The following SPON1 variants were observed in gnomAD, a reference collection of about 807,000 sequenced individuals.
SPON1 encodes the protein spondin-1.
In SPON1, 52 loss-of-function variants were observed where a neutral mutation model predicts 111.7. The observed-to-expected ratio is 0.47, with a 90% confidence interval of 0.37 to 0.59. SPON1 has a LOEUF of 0.59. Among genes scored for constraint, SPON1 ranks in the 20% least tolerant of loss-of-function variants. The pLI, the probability that SPON1 is intolerant of heterozygous loss-of-function variation, is 0.00. For missense variants in SPON1, 957 were observed against 1,068.5 expected (o/e 0.90, Z 1.46); for synonymous variants, 410 against 395.8 (o/e 1.04, Z -0.43).
intron 6 of SPON1, among the ~76,000 whole-genome samples, chr11:14,186,463 T>C (rs1160668225): frequency 6.6e-6 from 1 of 152,168 alleles, no homozygotes; most frequent in Non-Finnish European, 1.5e-5. Context: ...ATGCTAGGGA[T>C]TGGAGTGTTC....
intron 6 of SPON1, among the ~76,000 whole-genome samples, chr11:14,198,143 G>A (rs190323396): frequency 7.4e-4 from 112 of 152,232 alleles, no homozygotes; most frequent in Non-Finnish European, 1.3e-3. Flanking sequence ...CTCTCAAATC[G>A]GTGCCTAATG....
chr11:14,004,833 G>T (rs962661183), intron 2 of SPON1, among the ~76,000 whole-genome samples: 26 of 151,904 alleles, frequency 1.7e-4, no homozygotes, highest in Admixed American at 4.6e-4. Flanking sequence ...GTGAGACAGG[G>T]TCTCACTCTG....
intron 6 of SPON1, among the ~76,000 whole-genome samples, chr11:14,175,471 G>T (rs965504875): frequency 6.6e-6 from 1 of 152,076 alleles, no homozygotes; most frequent in Non-Finnish European, 1.5e-5. Context: ...GGTTATAGGG[G>T]TCCTAAACCC....
chr11:14,000,552 G>T (rs1848309229), intron 2 of SPON1, among the ~76,000 whole-genome samples: 1 of 152,124 alleles, frequency 6.6e-6, no homozygotes, highest in African/African-American at 2.4e-5. Flanking sequence ...AATTTATTGG[G>T]TGTGCTTTTT....
At chr11:14,113,327 A>G (rs112833439) in intron 5 of SPON1, among the ~76,000 whole-genome samples, 7 of 152,218 alleles carry the variant, frequency 4.6e-5, no homozygotes, top group African/African-American at 1.4e-4. Flanking sequence ...AATGGGCTGC[A>G]AGTTTCAGAA....
intron 6 of SPON1, among the ~76,000 whole-genome samples, chr11:14,191,506 A>T (rs553885944): frequency 6.6e-6 from 1 of 152,290 alleles, no homozygotes; most frequent in East Asian, 1.9e-4. Context: ...AACGTTCAGG[A>T]CCCGCACACT....
chr11:14,190,987 AGC>A (rs1564927639), intron 6 of SPON1, among the ~76,000 whole-genome samples: 32 of 152,206 alleles, frequency 2.1e-4, no homozygotes, highest in African/African-American at 7.5e-4. Flanking sequence ...AAAAGAAAAA[AGC>A]ACTTACAATC....
At chr11:14,255,953 T>G (rs924076757) in intron 9 of SPON1, among the ~76,000 whole-genome samples, 166 bp downstream of exon 9, 1 of 152,154 alleles carries the variant, frequency 6.6e-6, no homozygotes, top group African/African-American at 2.4e-5. Context: ...TTTCATAAGA[T>G]GAAAATAAGC....
At chr11:14,180,698 C>CT (rs1330702037) in intron 6 of SPON1, among the ~76,000 whole-genome samples, 1 of 152,188 alleles carries the variant, frequency 6.6e-6, no homozygotes, top group Non-Finnish European at 1.5e-5. Flanking sequence ...ACTATGCCTT[C>CT]TTTAAGTCAG....
At chr11:14,065,667 T>A (rs1848827053) in intron 3 of SPON1, among the ~76,000 whole-genome samples, 1 of 152,224 alleles carries the variant, frequency 6.6e-6, no homozygotes, top group Admixed American at 6.5e-5. Flanking sequence ...GGAATGACAT[T>A]CATGCCCTTC....
chr11:14,008,096 A>C (rs1848376921), intron 2 of SPON1, among the ~76,000 whole-genome samples: 1 of 152,198 alleles, frequency 6.6e-6, no homozygotes, highest in Admixed American at 6.5e-5. Context: ...TTCTGCATCC[A>C]CTGATTCAGC....
At chr11:14,073,421 T>C (rs1014977704) in intron 3 of SPON1, among the ~76,000 whole-genome samples, 7 of 152,206 alleles carry the variant, frequency 4.6e-5, no homozygotes, top group Non-Finnish European at 8.8e-5. Context: ...AGATTTTAGA[T>C]TTTCAGATTA....
intron 1 of SPON1, among the ~76,000 whole-genome samples, chr11:13,968,378 G>A (rs1033641660): frequency 6.6e-5 from 10 of 152,182 alleles, no homozygotes; most frequent in African/African-American, 2.2e-4. Flanking sequence ...GTAGTTGGTG[G>A]CTACTTAGCC....
intron 6 of SPON1, among the ~76,000 whole-genome samples, chr11:14,171,218 C>G (rs1403263357): frequency 2.2e-4 from 34 of 152,120 alleles, no homozygotes; most frequent in Non-Finnish European, 4.7e-4. Context: ...CTGGTTTAGT[C>G]TTGGGAGAGT....
At chr11:14,037,699 AAGCATTATCCATG>A in intron 2 of SPON1, among the ~76,000 whole-genome samples, 1 of 152,324 alleles carries the variant, frequency 6.6e-6, no homozygotes, top group South Asian at 2.1e-4. Flanking sequence ...ACAACACCAA[AAGCATTATCCATG>A]AAAGAAATAA....
At chr11:14,143,475 T>G (rs1322218983) in intron 6 of SPON1, among the ~76,000 whole-genome samples, 2 of 150,890 alleles carry the variant, frequency 1.3e-5, no homozygotes, top group Non-Finnish European at 2.9e-5. Context: ...GGTGGAAGGA[T>G]CACTTGGCCC....
intron 2 of SPON1, among the ~76,000 whole-genome samples, chr11:13,987,416 C>A (rs1591341269): frequency 1.3e-5 from 2 of 150,318 alleles, no homozygotes; most frequent in Non-Finnish European, 3.0e-5. Context: ...TGTTTTTTTC[C>A]TGTAAACTTA....
intron 5 of SPON1, among the ~76,000 whole-genome samples, chr11:14,115,733 A>G (rs1483168535): frequency 1.3e-5 from 2 of 152,116 alleles, no homozygotes; most frequent in African/African-American, 4.8e-5. Context: ...TATATGCTAT[A>G]TCCATTCATG....
intron 3 of SPON1, among the ~76,000 whole-genome samples, chr11:14,053,195 G>T (rs890514835): frequency 6.6e-6 from 1 of 152,132 alleles, no homozygotes; most frequent in African/African-American, 2.4e-5. Flanking sequence ...CAATTCAGTG[G>T]CATCTGGTAC....
Sources: allele counts gnomAD v4.1 joint callset (sites outside exome capture counted in the v4.1 genomes callset), GRCh38; gene constraint gnomAD v4.1.1; transcripts MANE v1.5; gene names NCBI Gene and HGNC (gene_info 2026-07-23, HGNC 2026-07-21).